AGK: variants seen among roughly 807,000 people sequenced by gnomAD.
AGK encodes acylglycerol kinase, mitochondrial.
In AGK, 52 loss-of-function variants were observed where a neutral mutation model predicts 66.4. The observed-to-expected ratio is 0.78, with a 90% CI of 0.63 to 0.99. The LOEUF (loss-of-function observed/expected upper bound fraction) is 0.99. AGK is among the 50% of genes least tolerant of loss of function. The pLI, the probability that AGK is intolerant of heterozygous loss-of-function variation, is 0.00. For missense variants in AGK, 451 were observed against 506.6 expected (o/e 0.89, Z 1.05); for synonymous variants, 182 against 181.1 (o/e 1.00, Z -0.04).
At chr7:141,604,360 ATG>A (rs201739398) in intron 5 of AGK, among the ~76,000 whole-genome samples, 55 of 113,632 alleles carry the variant, frequency 4.8e-4, no homozygotes, top group South Asian at 1.4e-3. Flanking sequence ...ATATGTATGA[ATG>A]TGTGTGTGTG....
intron 4 of AGK, among the ~76,000 whole-genome samples, chr7:141,597,814 C>T (rs916194762): frequency 2.8e-5 from 4 of 145,242 alleles, no homozygotes; most frequent in Non-Finnish European, 6.0e-5. Flanking sequence ...TCACCTAAGC[C>T]CAGGAGGTCG....
At chr7:141,614,794 A>G (rs978587465) in intron 7 of AGK, among the ~76,000 whole-genome samples, 7 of 63,644 alleles carry the variant, frequency 1.1e-4, no homozygotes, top group Non-Finnish European at 2.7e-4. Flanking sequence ...CTTGAAACAT[A>G]TGAAGCAAAA....
In AGK at chr7:141,569,047, C is replaced by T. The variant is rs149541009; in HGVS notation, c.101+13480C>T. Among the ~76,000 whole-genome samples the T allele has an allele frequency of 1.2e-4, 19 of 152,292 alleles. No individual in the cohort carries two copies. The East Asian group carries it at 2.9e-3, about 23-fold the overall frequency. On this transcript the variant is annotated intron_variant, in intron 2 of 15. Transcript: ENST00000649286. ...TTGTGTTTAAGGGTTTTAATTAATA[C>T]TGGAGTTTTCTTTCTCCAAACATAG...
chr7:141,596,447 C>T, intron 3 of AGK, 115 bp from the exon 4 acceptor site: 4 of 814,110 alleles, frequency 4.9e-6, no homozygotes, highest in East Asian at 2.5e-5. Flanking sequence ...ATATTTTTCC[C>T]CAAGGGTAGA....
chr7:141,553,167 C>A (rs1422941201), intron 1 of AGK, among the ~76,000 whole-genome samples: 2 of 152,156 alleles, frequency 1.3e-5, no homozygotes, highest in African/African-American at 4.8e-5. Flanking sequence ...GCTGTATCCT[C>A]ACAATGCAGA....
chr7:141,588,948 T>G (rs1365466437), intron 2 of AGK, among the ~76,000 whole-genome samples: 1 of 152,184 alleles, frequency 6.6e-6, no homozygotes, highest in Non-Finnish European at 1.5e-5. Flanking sequence ...ATCGCCATCT[T>G]GGTTTTGGTG....
In AGK at chr7:141,633,895, T is replaced by A. The variant is rs1244778963; in HGVS notation, c.589-6T>A. The A allele has an allele frequency of 6.2e-7, 1 of 1,612,112 alleles. No individual in the cohort carries two copies. The highest frequency in any genetic ancestry group is 8.5e-7 in the Non-Finnish European group (1 of 1,178,294). Reference sequence around the variant, plus strand: ...TGAATTTAAATGAAATGTATTTAACTTCCAGGGTGAAAAGGAACAGCCTGT... The same window carrying A: ...TGAATTTAAATGAAATGTATTTAACATCCAGGGTGAAAAGGAACAGCCTGT... On this transcript the variant is annotated splice_polypyrimidine_tract_variant and splice_region_variant and intron_variant, in intron 9 of 15. Coordinates refer to ENST00000649286, the MANE Select transcript of AGK (RefSeq NM_018238.4).
intron 2 of AGK, among the ~76,000 whole-genome samples, chr7:141,557,736 C>T (rs530787076): frequency 6.6e-6 from 1 of 152,238 alleles, no homozygotes; most frequent in Non-Finnish European, 1.5e-5. Context: ...TCACCCTTGA[C>T]ATTCAATGTT....
intron 4 of AGK, among the ~76,000 whole-genome samples, chr7:141,597,753 T>G (rs1214554258): frequency 3.3e-5 from 5 of 151,488 alleles, no homozygotes; most frequent in African/African-American, 1.2e-4. Flanking sequence ...TAGACACACG[T>G]GGTAGCATTT....
Position 141,621,942 on chromosome 7 carries a change from C to T in AGK, c.588+141C>T, listed in dbSNP as rs548554065. On this transcript the variant is annotated intron_variant, in intron 9 of 15. Transcript: ENST00000649286. ...CCATTCCTACCCCAAGTATTAGTCC[C>T]CAGAGGAAATAATTTTACCTGTTAA... 4 of 611,512 alleles carry T rather than the reference C, an allele frequency of 6.5e-6. No homozygotes were observed. The African/African-American group carries it at 7.4e-5, about 11-fold the overall frequency. 37.9% of individuals were successfully genotyped at this position (611,512 alleles called of 1,614,324 possible). A position where few individuals can be genotyped will look rare whatever the true frequency, so the allele number is the denominator to read the frequency against.
intron 9 of AGK, among the ~76,000 whole-genome samples, chr7:141,627,727 ATTATTATCTATGGAG>A (rs767185860): frequency 1.7e-4 from 26 of 152,232 alleles, no homozygotes; most frequent in Non-Finnish European, 3.4e-4. Flanking sequence ...GGTACTACAG[ATTATTATCTATGGAG>A]ATACTATTTA....
intron 3 of AGK, among the ~76,000 whole-genome samples, chr7:141,595,588 T>C (rs1025661331): frequency 1.3e-5 from 2 of 152,200 alleles, no homozygotes; most frequent in Non-Finnish European, 1.5e-5. Context: ...TGCATTACTT[T>C]TTTTCCTCCT....
intron 5 of AGK, among the ~76,000 whole-genome samples, chr7:141,610,338 C>A (rs1344948980): frequency 6.6e-6 from 1 of 152,038 alleles, no homozygotes; most frequent in African/African-American, 2.4e-5. Flanking sequence ...TAATTTTTGT[C>A]TATTAGTATG....
At chr7:141,551,756 G>A (rs1256619184) in intron 1 of AGK, among the ~76,000 whole-genome samples, 1 of 152,190 alleles carries the variant, frequency 6.6e-6, no homozygotes, top group East Asian at 1.9e-4. Flanking sequence ...CGTCCCTTGG[G>A]CTTCAGCATA....
chr7:141,646,409 T>C (rs1413571246), intron 13 of AGK, among the ~76,000 whole-genome samples: 1 of 152,166 alleles, frequency 6.6e-6, no homozygotes, highest in Non-Finnish European at 1.5e-5. Context: ...CATGGGGCAT[T>C]GGGTAGTGTC....
At position 141,653,244 on chromosome 7, in the gene AGK, G is replaced by A. The variant is rs3735282; in HGVS notation, c.*320G>A. On this transcript the variant is annotated 3_prime_UTR_variant, in exon 16 of 16. Coordinates refer to ENST00000649286, the MANE Select transcript of AGK (RefSeq NM_018238.4). ...AGTGCAACCACAGTGGAGAGCCCAC[G>A]GTGGGCTTAGCCTGCCTAGGCCCTT... The A allele has an allele frequency of 9.3e-3, 2,492 of 268,426 alleles. 71 individuals are homozygous for A. The highest frequency in any genetic ancestry group is 0.046 in the African/African-American group (2,144 of 46,332). 16.6% of individuals were successfully genotyped at this position (268,426 alleles called of 1,614,324 possible). A position where few individuals can be genotyped will look rare whatever the true frequency, so the allele number is the denominator to read the frequency against.
At chr7:141,611,103 T>G (rs1046771562) in intron 5 of AGK, 92 bp from the exon 6 acceptor site, 1 of 726,962 alleles carries the variant, frequency 1.4e-6, no homozygotes, top group African/African-American at 1.8e-5. Flanking sequence ...ACAGTCAATG[T>G]AAAACTTTAA....
At chr7:141,588,607 C>A (rs1195828664) in intron 2 of AGK, among the ~76,000 whole-genome samples, 6 of 150,506 alleles carry the variant, frequency 4.0e-5, no homozygotes, top group Non-Finnish European at 5.9e-5. Flanking sequence ...CAGAGTGATA[C>A]TTCGCCTCGG....
intron 2 of AGK, among the ~76,000 whole-genome samples, chr7:141,570,319 G>A (rs1445842146): frequency 4.6e-5 from 7 of 151,982 alleles, no homozygotes; most frequent in Non-Finnish European, 7.4e-5. Flanking sequence ...CCCGGGAGGC[G>A]GAGGTTGCAG....
Sources: gnomAD v4.1 joint callset for allele counts (sites outside exome capture counted in the v4.1 genomes callset) on GRCh38, gnomAD v4.1.1 for gene constraint, MANE v1.5 for transcripts, NCBI Gene and HGNC (gene_info 2026-07-23, HGNC 2026-07-21) for gene names.